CSGALNACT1: variants seen among roughly 807,000 people sequenced by gnomAD.
The protein encoded by CSGALNACT1 is chondroitin sulfate N-acetylgalactosaminyltransferase 1.
In CSGALNACT1, 52 loss-of-function variants were observed where a neutral mutation model predicts 51.0. The ratio of observed to expected loss-of-function variants is 1.02; its 90% CI spans 0.82 to 1.29. CSGALNACT1 has a LOEUF of 1.29. Among genes scored for constraint, CSGALNACT1 ranks in the 50% most tolerant of loss-of-function variants. The pLI is 0.00. For missense variants in CSGALNACT1, 935 were observed against 679.2 expected, an observed-to-expected ratio of 1.38 and a Z score of -4.19; for synonymous variants, 341 against 254.4, an observed-to-expected ratio of 1.34 and a Z score of -3.24.
At chr8:19,643,909 G>A (rs12676948) in intron 1 of CSGALNACT1, among the ~76,000 whole-genome samples, 40,523 of 151,996 alleles carry the variant, frequency 0.27, 5,871 homozygotes, top group East Asian at 0.56. Flanking sequence ...ATTTAAGGTG[G>A]TCTTACTTTT....
chr8:19,671,355 C>G lies in CSGALNACT1; in HGVS notation c.-544+11118G>C, dbSNP rs189296554. The stretch of plus-strand genomic sequence containing the variant: ...TATGGATGAACTAGTTAGGTGTACA[C>G]GACAAATTCACAGGCAACAATGTTG... On this transcript the variant is annotated intron_variant, in intron 1 of 9. Transcript: ENST00000332246. Among the ~76,000 whole-genome samples the G allele has an allele frequency of 7.2e-5, 11 of 152,256 alleles. No homozygotes were observed. In the East Asian group the frequency reaches 2.1e-3, roughly 29 times the overall value.
At chr8:19,499,126 A>G (rs2075991446) in intron 4 of CSGALNACT1, among the ~76,000 whole-genome samples, 1 of 152,140 alleles carries the variant, frequency 6.6e-6, no homozygotes, top group African/African-American at 2.4e-5. Context: ...AAAACAAACA[A>G]ACAAACAAAC....
chr8:19,624,074 C>T (rs1277067108), intron 1 of CSGALNACT1, among the ~76,000 whole-genome samples: 1 of 152,200 alleles, frequency 6.6e-6, no homozygotes, highest in African/African-American at 2.4e-5. Flanking sequence ...AACCCTTTGT[C>T]TTTTCTTCTA....
chr8:19,559,106 T>G (rs2040134096), intron 3 of CSGALNACT1, among the ~76,000 whole-genome samples: 1 of 152,174 alleles, frequency 6.6e-6, no homozygotes, highest in East Asian at 1.9e-4. Flanking sequence ...AACATTTCAA[T>G]GCTCTATTTT....
At chr8:19,411,695 G>A (rs1018749681) in intron 8 of CSGALNACT1, among the ~76,000 whole-genome samples, 44 of 152,190 alleles carry the variant, frequency 2.9e-4, no homozygotes, top group African/African-American at 1.0e-3. Context: ...TTCTGTTCAA[G>A]CACTGACAAG....
chr8:19,564,071 C>T (rs1306489396), intron 3 of CSGALNACT1, among the ~76,000 whole-genome samples: 2 of 152,196 alleles, frequency 1.3e-5, no homozygotes, highest in Non-Finnish European at 2.9e-5. Context: ...CTTCCACTGT[C>T]GGTGCTCCCA....
chr8:19,517,187 C>T (rs973299485), intron 3 of CSGALNACT1, among the ~76,000 whole-genome samples: 3 of 152,172 alleles, frequency 2.0e-5, no homozygotes, highest in Non-Finnish European at 4.4e-5. Flanking sequence ...TCTGTAATCC[C>T]AGCACTTTGG....
At chr8:19,645,244 GA>G (rs1420409684) in intron 1 of CSGALNACT1, among the ~76,000 whole-genome samples, 1 of 152,144 alleles carries the variant, frequency 6.6e-6, no homozygotes, top group Non-Finnish European at 1.5e-5. Flanking sequence ...GTCAAACAGG[GA>G]AAAATGAGTA....
At chr8:19,456,840 T>A (rs758456186) in intron 5 of CSGALNACT1, among the ~76,000 whole-genome samples, 2 of 152,172 alleles carry the variant, frequency 1.3e-5, no homozygotes, top group Non-Finnish European at 2.9e-5. Context: ...GCTAAGGGAA[T>A]TGAGAACTGC....
intron 3 of CSGALNACT1, among the ~76,000 whole-genome samples, chr8:19,573,446 A>AT (rs111492641): frequency 0.013 from 1,827 of 144,790 alleles, 17 homozygotes; most frequent in African/African-American, 0.027. Flanking sequence ...AAATATTCCA[A>AT]TTTTTTTTTT....
chr8:19,658,757 C>T (rs983742315), intron 1 of CSGALNACT1, among the ~76,000 whole-genome samples: 1 of 152,010 alleles, frequency 6.6e-6, no homozygotes, highest in Non-Finnish European at 1.5e-5. Flanking sequence ...CAACAAAAAA[C>T]ACCACCACCA....
At chr8:19,477,742 G>A (rs2070120201) in intron 4 of CSGALNACT1, among the ~76,000 whole-genome samples, 1 of 152,206 alleles carries the variant, frequency 6.6e-6, no homozygotes, top group African/African-American at 2.4e-5. Flanking sequence ...AAATAAGAAT[G>A]ATCGTAATAC....
At chr8:19,549,964 ATC>A (rs376572748) in intron 3 of CSGALNACT1, among the ~76,000 whole-genome samples, 1 of 151,868 alleles carries the variant, frequency 6.6e-6, no homozygotes, top group Non-Finnish European at 1.5e-5. Context: ...TTTTTGGGAA[ATC>A]TCTTTTTGTT....
At chr8:19,679,932 A>G (rs1242062194) in intron 1 of CSGALNACT1, among the ~76,000 whole-genome samples, 1 of 152,216 alleles carries the variant, frequency 6.6e-6, no homozygotes, top group Non-Finnish European at 1.5e-5. Context: ...GGGGGCCTAC[A>G]TACCGGCTTA....
chr8:19,467,366 C>T (rs1655190715), intron 4 of CSGALNACT1, among the ~76,000 whole-genome samples: 1 of 152,062 alleles, frequency 6.6e-6, no homozygotes, highest in African/African-American at 2.4e-5. Flanking sequence ...CATGATCCAC[C>T]TACCTCGGCC....
chr8:19,736,516 CA>C (rs11310638), intron 1 of CSGALNACT1, among the ~76,000 whole-genome samples: 45,781 of 134,886 alleles, frequency 0.34, 6,943 homozygotes, highest in Middle Eastern at 0.47. Flanking sequence ...GTCCCAAAAC[CA>C]AAAAAAAAAA....
intron 1 of CSGALNACT1, among the ~76,000 whole-genome samples, chr8:19,696,390 C>T (rs575002628): frequency 6.6e-6 from 1 of 152,296 alleles, no homozygotes; most frequent in Admixed American, 6.5e-5. Flanking sequence ...TAAAGGCAGG[C>T]CTTCCCTCAA....
chr8:19,674,410 C>A (rs1439776522), intron 1 of CSGALNACT1, among the ~76,000 whole-genome samples: 4 of 152,014 alleles, frequency 2.6e-5, no homozygotes, highest in African/African-American at 4.8e-5. Context: ...GAGAGATAAT[C>A]CTGCAGATAT....
At chr8:19,715,748 A>C (rs541551387) in intron 1 of CSGALNACT1, among the ~76,000 whole-genome samples, 1 of 152,120 alleles carries the variant, frequency 6.6e-6, no homozygotes, top group East Asian at 1.9e-4. Context: ...TAGTTCTGCT[A>C]GGTGTCTAGT....
Sources: gnomAD v4.1 joint callset for allele counts (sites outside exome capture counted in the v4.1 genomes callset) on GRCh38, gnomAD v4.1.1 for gene constraint, MANE v1.5 for transcripts, NCBI Gene and HGNC (gene_info 2026-07-23, HGNC 2026-07-21) for gene names.